The following DDR2 variants were observed in gnomAD, a reference collection of about 807,000 sequenced individuals.
DDR2 encodes discoidin domain receptor tyrosine kinase 2, also known as discoidin domain-containing receptor 2.
Under a neutral mutation model 94.9 loss-of-function variants are expected in DDR2, and 27 were observed. The observed-to-expected ratio is 0.28, with a 90% confidence interval of 0.21 to 0.39. The LOEUF is 0.39. Ranked by LOEUF, DDR2 falls within the 10% of genes least tolerant of loss-of-function variation. The probability of loss-of-function intolerance (pLI) is 1.00; values close to 1 mark genes in which losing one functional copy is unlikely to be tolerated. For synonymous variants in DDR2, 382 were observed against 377.2 expected (o/e 1.01, Z -0.15); for missense variants, 783 against 1,076.0 (o/e 0.73, Z 3.81).
intron 1 of DDR2, among the ~76,000 whole-genome samples, chr1:162,636,722 T>C (rs1571124590): frequency 6.6e-6 from 1 of 152,144 alleles, no homozygotes; most frequent in Non-Finnish European, 1.5e-5. Flanking sequence ...AGATAATGTA[T>C]AGGAAACTGG....
intron 16 of DDR2, 148 bp from the exon 17 acceptor site, chr1:162,778,432 G>A (rs1325608057): frequency 1.0e-6 from 1 of 969,646 alleles, no homozygotes; most frequent in South Asian, 1.3e-5. Flanking sequence ...AGAATGGGCT[G>A]TTTCTAAATA....
intron 2 of DDR2, among the ~76,000 whole-genome samples, chr1:162,658,472 G>A (rs993553322): frequency 2.0e-5 from 3 of 152,094 alleles, no homozygotes; most frequent in Non-Finnish European, 4.4e-5. Context: ...ACTAACCAGA[G>A]AATCTACAGC....
At chr1:162,715,546 G>A (rs1351362331) in intron 2 of DDR2, among the ~76,000 whole-genome samples, 1 of 152,132 alleles carries the variant, frequency 6.6e-6, no homozygotes, top group African/African-American at 2.4e-5. Context: ...TGGTGAGGTA[G>A]GTGGAGCCCA....
chr1:162,705,492 T>C (rs1660619907), intron 2 of DDR2, among the ~76,000 whole-genome samples: 1 of 152,212 alleles, frequency 6.6e-6, no homozygotes, highest in Non-Finnish European at 1.5e-5. Context: ...AGTATGTGCC[T>C]GGGCTAAAGG....
At chr1:162,686,872 C>T (rs1435445588) in intron 2 of DDR2, among the ~76,000 whole-genome samples, 1 of 152,232 alleles carries the variant, frequency 6.6e-6, no homozygotes, top group Non-Finnish European at 1.5e-5. Flanking sequence ...GCCACCACGC[C>T]TGGCCTATCA....
At chr1:162,748,443 A>C (rs1663000840) in intron 3 of DDR2, among the ~76,000 whole-genome samples, 1 of 152,260 alleles carries the variant, frequency 6.6e-6, no homozygotes, top group Admixed American at 6.5e-5. Flanking sequence ...TTCAACAAGA[A>C]GAGCTAACTA....
chr1:162,645,292 T>C (rs1022387287), intron 1 of DDR2, among the ~76,000 whole-genome samples: 7 of 152,362 alleles, frequency 4.6e-5, no homozygotes, highest in African/African-American at 4.8e-5. Flanking sequence ...GAATTTTTTT[T>C]CAGCTTTTTG....
chr1:162,634,468 C>T (rs149402579), intron 1 of DDR2, among the ~76,000 whole-genome samples: 8 of 152,268 alleles, frequency 5.3e-5, no homozygotes, highest in East Asian at 1.9e-4. Flanking sequence ...CGATTAGGAT[C>T]GGTAAACACA....
chr1:162,717,829 C>T (rs1296645603), intron 2 of DDR2, among the ~76,000 whole-genome samples: 3 of 152,256 alleles, frequency 2.0e-5, no homozygotes, highest in African/African-American at 7.2e-5. Context: ...ACCTTGATTA[C>T]CTGTCTTGAG....
chr1:162,779,596 T>C (rs1647784939), intron 17 of DDR2, among the ~76,000 whole-genome samples: 1 of 152,234 alleles, frequency 6.6e-6, no homozygotes. Flanking sequence ...GAGAATTTAA[T>C]TGTATCTTGA....
intron 3 of DDR2, among the ~76,000 whole-genome samples, chr1:162,747,252 C>G (rs1408277421): frequency 7.9e-5 from 12 of 152,050 alleles, no homozygotes; most frequent in Non-Finnish European, 1.5e-4. Context: ...AAACCCATCG[C>G]AAAGAAGCTA....
chr1:162,719,298 A>T (rs1403492316), intron 3 of DDR2, 153 bp downstream of exon 3: 1 of 869,972 alleles, frequency 1.1e-6, no homozygotes, highest in East Asian at 1.2e-4. Flanking sequence ...ATAGGAAGAA[A>T]AATGAATATA....
chr1:162,675,376 T>G (rs577637149), intron 2 of DDR2, among the ~76,000 whole-genome samples: 2 of 152,222 alleles, frequency 1.3e-5, no homozygotes, highest in South Asian at 4.2e-4. Context: ...GCAGAGGACA[T>G]GTGCTCAATT....
chr1:162,741,268 A>ATAATATAATATAATATAATG (rs1662599257), intron 3 of DDR2, among the ~76,000 whole-genome samples: 2 of 77,490 alleles, frequency 2.6e-5, no homozygotes, highest in African/African-American at 1.0e-4. Flanking sequence ...GTAATGTAAT[A>ATAATATAATATAATATAATG]TAATATAATA....
intron 2 of DDR2, among the ~76,000 whole-genome samples, chr1:162,710,856 C>A (rs1433873607): frequency 6.6e-6 from 1 of 152,114 alleles, no homozygotes; most frequent in Non-Finnish European, 1.5e-5. Context: ...ATACTCCAGC[C>A]TTTCCAGGGT....
chr1:162,691,864 G>A (rs1403768791), intron 2 of DDR2, among the ~76,000 whole-genome samples: 1 of 152,250 alleles, frequency 6.6e-6, no homozygotes, highest in Non-Finnish European at 1.5e-5. Context: ...GATAAAGACA[G>A]AAATAGAAGT....
At position 162,761,471 on chromosome 1, in the gene DDR2, C is replaced by T. The variant is rs201094814; in HGVS notation, c.1099+17C>T. 190 of 1,614,022 alleles carry T rather than the reference C, an allele frequency of 1.2e-4. No homozygotes were observed. Among genetic ancestry groups the T allele is most frequent in the Admixed American group, 4.7e-4 (28 of 60,002 alleles). ...TCCAATCAGGTAGGGAGCTCAGGTCCTCTTTGGGAAGTGGGAGCAAGGTGA... is the reference window on the plus strand; with the variant it reads ...TCCAATCAGGTAGGGAGCTCAGGTCTTCTTTGGGAAGTGGGAGCAAGGTGA... On this transcript the variant is annotated intron_variant, in intron 9 of 17. Transcript: ENST00000367921.
chr1:162,637,867 A>G (rs1656907505), intron 1 of DDR2, among the ~76,000 whole-genome samples: 1 of 152,230 alleles, frequency 6.6e-6, no homozygotes, highest in African/African-American at 2.4e-5. Context: ...GAAACAACAG[A>G]CACACATAGC....
intron 1 of DDR2, among the ~76,000 whole-genome samples, chr1:162,651,983 G>A (rs1657715863): frequency 6.6e-6 from 1 of 152,190 alleles, no homozygotes. Context: ...AAACCGACTG[G>A]CTTCGCTACA....
Sources: allele counts gnomAD v4.1 joint callset (sites outside exome capture counted in the v4.1 genomes callset), GRCh38; gene constraint gnomAD v4.1.1; transcripts MANE v1.5; gene names NCBI Gene and HGNC (gene_info 2026-07-23, HGNC 2026-07-21).